The following RAB3GAP2 variants were observed in gnomAD, a reference collection of about 807,000 sequenced individuals.
RAB3GAP2 encodes the protein rab3 GTPase-activating protein non-catalytic subunit.
RAB3GAP2 carries 87 observed loss-of-function variants against 185.3 expected under a neutral mutation model. The observed-to-expected ratio is 0.47, with a 90% CI of 0.39 to 0.56. The LOEUF (loss-of-function observed/expected upper bound fraction) is 0.56. RAB3GAP2 is among the 20% of genes least tolerant of loss of function. The probability of loss-of-function intolerance (pLI) is 0.00; values close to 1 mark genes in which losing one functional copy is unlikely to be tolerated. For missense variants in RAB3GAP2, 1,492 were observed against 1,638.2 expected (o/e 0.91, Z 1.54); for synonymous variants, 554 against 576.1 (o/e 0.96, Z 0.55).
At chr1:220,243,683 G>A (rs973302941) in intron 1 of RAB3GAP2, among the ~76,000 whole-genome samples, 3 of 152,112 alleles carry the variant, frequency 2.0e-5, no homozygotes, top group Non-Finnish European at 2.9e-5. Context: ...GTCACTGGTC[G>A]TTTTGAGTCC....
intron 1 of RAB3GAP2, among the ~76,000 whole-genome samples, chr1:220,246,225 G>C (rs778395642): frequency 1.2e-4 from 19 of 152,212 alleles, no homozygotes; most frequent in Non-Finnish European, 2.4e-4. Context: ...ACCACAATGA[G>C]ATACCATTGC....
intron 1 of RAB3GAP2, among the ~76,000 whole-genome samples, chr1:220,246,770 T>G (rs1659825832): frequency 9.1e-6 from 1 of 109,586 alleles, no homozygotes; most frequent in Non-Finnish European, 1.8e-5. Context: ...AGGACTGTCG[T>G]GGGGTGGGGG....
At chr1:220,176,551 G>C (rs547508110) in intron 21 of RAB3GAP2, among the ~76,000 whole-genome samples, 1 of 152,136 alleles carries the variant, frequency 6.6e-6, no homozygotes, top group Non-Finnish European at 1.5e-5. Context: ...CTAGTGTTTT[G>C]GCAGAAAGGC....
chr1:220,190,162 T>C lies in RAB3GAP2; in HGVS notation c.1632-16A>G, dbSNP rs191799009. 156 of 1,590,222 alleles carry C rather than the reference T, an allele frequency of 9.8e-5. 1 individual carries two copies. The Admixed American group carries it at 1.9e-3, about 20-fold the overall frequency. On this transcript the variant is annotated splice_polypyrimidine_tract_variant and intron_variant, in intron 15 of 34. Coordinates refer to ENST00000358951, the MANE Select transcript of RAB3GAP2 (RefSeq NM_012414.4). ...CTTCTTATCACTAAACCAATAAATA[T>C]AACAAATTATTACAGAATGTGAAAT...
At chr1:220,266,209 T>C (rs1660224085) in intron 1 of RAB3GAP2, 1 of 182,428 alleles carries the variant, frequency 5.5e-6, no homozygotes. Flanking sequence ...AAAAGTACTT[T>C]TTTTTCTGTA....
intron 1 of RAB3GAP2, among the ~76,000 whole-genome samples, chr1:220,251,124 T>A (rs1313424803): frequency 1.3e-5 from 2 of 152,192 alleles, no homozygotes; most frequent in African/African-American, 4.8e-5. Context: ...AAAAACAGCA[T>A]CTCGAATTAG....
At chr1:220,165,878 G>A (rs757839137) in intron 26 of RAB3GAP2, among the ~76,000 whole-genome samples, 2 of 152,142 alleles carry the variant, frequency 1.3e-5, no homozygotes, top group African/African-American at 2.4e-5. Flanking sequence ...GGGGCTTGAC[G>A]TCAGCTTTGT....
chr1:220,263,997 G>C (rs1339824274), intron 1 of RAB3GAP2, among the ~76,000 whole-genome samples: 1 of 150,994 alleles, frequency 6.6e-6, no homozygotes, highest in African/African-American at 2.4e-5. Flanking sequence ...AAACTTAGTG[G>C]ATTCTAAACA....
intron 1 of RAB3GAP2, among the ~76,000 whole-genome samples, chr1:220,240,685 G>A (rs753829260): frequency 5.3e-5 from 8 of 152,024 alleles, no homozygotes; most frequent in Non-Finnish European, 1.0e-4. Flanking sequence ...AAAGAGGAGC[G>A]AGATAAAGTT....
At chr1:220,198,201 T>C (rs2102873340) in intron 9 of RAB3GAP2, among the ~76,000 whole-genome samples, 1 of 152,308 alleles carries the variant, frequency 6.6e-6, no homozygotes, top group Admixed American at 6.5e-5. Flanking sequence ...AATCTTAATC[T>C]TGGTTGACCT....
intron 6 of RAB3GAP2, 58 bp downstream of exon 6, chr1:220,210,743 T>C (rs564420316): frequency 1.3e-6 from 2 of 1,484,370 alleles, no homozygotes; most frequent in South Asian, 1.2e-5. Flanking sequence ...ATAAAGGTGA[T>C]GCATAACCAG....
chr1:220,196,373 A>T lies in RAB3GAP2; in HGVS notation c.837T>A (p.Asp279Glu). The part of the protein sequence containing the change: ...SVGIMTLSPF[D>E]QMKTASNIGG... ...CTATATTGGAGGCAGTCTTCATTTG[A>T]TCAAAGGGGGACAGAGTCATAATAC... Residue 279 changes from aspartate to glutamate, a missense_variant, in exon 10 of 35, where the codon GAT becomes GAA. Asp to Glu is a conservative substitution (Grantham distance 45). Around this residue, in one of 5 missense-constraint regions of RAB3GAP2, gnomAD observed 243 missense variants for 314.8 expected, o/e 0.77. Coordinates refer to ENST00000358951, the MANE Select transcript of RAB3GAP2 (RefSeq NM_012414.4). 2 of 1,604,352 alleles carry T rather than the reference A, an allele frequency of 1.2e-6. No individual in the cohort carries two copies. The highest frequency in any genetic ancestry group is 1.7e-6 in the Non-Finnish European group (2 of 1,171,728).
chr1:220,241,815 CAT>C (rs1659702121), intron 1 of RAB3GAP2, among the ~76,000 whole-genome samples: 1 of 151,790 alleles, frequency 6.6e-6, no homozygotes, highest in Admixed American at 6.6e-5. Flanking sequence ...TAAAAATGTA[CAT>C]GTCTATTATA....
rs767873905 is a variant in RAB3GAP2 at position 220,230,715 on chromosome 1, ACTT to A, written c.180+2081_180+2083del. On this transcript the variant is annotated intron_variant, in intron 2 of 34. Transcript: ENST00000358951. ...AAATATCTGGCAGGGTTTTTTAAAA[ACTT>A]CTTATTATGGATATTTAAAAATATT... 1.3e-3 allele frequency among the ~76,000 whole-genome samples: 198 copies of A among 152,294 alleles called. 1 individual carries two copies. The highest frequency in any genetic ancestry group is 3.4e-3 in the Middle Eastern group (1 of 294).
intron 28 of RAB3GAP2, among the ~76,000 whole-genome samples, chr1:220,160,513 C>A (rs1657945813): frequency 6.6e-6 from 1 of 152,196 alleles, no homozygotes; most frequent in African/African-American, 2.4e-5. Flanking sequence ...GAGCCCTTAC[C>A]ACATGTGCCA....
intron 19 of RAB3GAP2, among the ~76,000 whole-genome samples, 174 bp from the exon 20 acceptor site, chr1:220,183,105 A>T (rs1658443436): frequency 6.6e-6 from 1 of 152,210 alleles, no homozygotes; most frequent in South Asian, 2.1e-4. Context: ...AGTTATTTAA[A>T]TAAAGTAAAC....
chr1:220,237,852 AT>A (rs1245477616), intron 1 of RAB3GAP2, among the ~76,000 whole-genome samples: 2 of 151,570 alleles, frequency 1.3e-5, no homozygotes, highest in East Asian at 1.9e-4. Flanking sequence ...TACCTATGTA[AT>A]TTTAAATTAA....
chr1:220,170,241 G>A (rs1571880377), intron 24 of RAB3GAP2, among the ~76,000 whole-genome samples: 1 of 152,074 alleles, frequency 6.6e-6, no homozygotes, highest in East Asian at 1.9e-4. Context: ...CACAGGGAGG[G>A]GAACATCACA....
chr1:220,199,981 A>G (rs1230847465), intron 9 of RAB3GAP2, among the ~76,000 whole-genome samples: 1 of 152,192 alleles, frequency 6.6e-6, no homozygotes. Context: ...GTAATCCCCT[A>G]CTTAGAATCC....
Sources: allele counts gnomAD v4.1 joint callset (sites outside exome capture counted in the v4.1 genomes callset), GRCh38; gene constraint gnomAD v4.1.1; regional missense constraint gnomAD v4.1.1; transcripts MANE v1.5; gene names NCBI Gene and HGNC (gene_info 2026-07-23, HGNC 2026-07-21).